The following DLGAP2 variants were observed in gnomAD, a reference collection of about 807,000 sequenced individuals.
DLGAP2 encodes the protein disks large-associated protein 2.
In DLGAP2, 26 loss-of-function variants were observed where a neutral mutation model predicts 100.3. That is an observed-to-expected ratio of 0.26 (90% CI 0.19 to 0.36). The LOEUF (loss-of-function observed/expected upper bound fraction) is 0.36, where lower values mean the gene tolerates loss of function less well. DLGAP2 is among the 10% of genes least tolerant of loss of function. The pLI, the probability that DLGAP2 is intolerant of heterozygous loss-of-function variation, is 1.00. For missense variants in DLGAP2, 1,858 were observed against 1,453.2 expected (o/e 1.28, Z -4.53); for synonymous variants, 886 against 630.1 (o/e 1.41, Z -6.08).
intron 1 of DLGAP2, among the ~76,000 whole-genome samples, chr8:853,628 C>G (rs1797222176): frequency 6.6e-6 from 1 of 152,214 alleles, no homozygotes; most frequent in Non-Finnish European, 1.5e-5. Flanking sequence ...AGCCCAGGGC[C>G]AGCCTCGCAA....
intron 1 of DLGAP2, chr8:753,828 A>G (rs1820852517): frequency 6.6e-6 from 1 of 152,272 alleles, no homozygotes; most frequent in African/African-American, 2.4e-5. Flanking sequence ...AATCCTGCAC[A>G]GAGAAAGCTG....
intron 3 of DLGAP2, among the ~76,000 whole-genome samples, chr8:1,407,501 G>A (rs77015538): frequency 3.2e-5 from 4 of 123,720 alleles, no homozygotes; most frequent in African/African-American, 8.5e-5. Context: ...TGCTTACTGA[G>A]CGCCACCTCC....
At chr8:923,763 G>A (rs1798761214) in intron 2 of DLGAP2, among the ~76,000 whole-genome samples, 1 of 152,172 alleles carries the variant, frequency 6.6e-6, no homozygotes, top group African/African-American at 2.4e-5. Flanking sequence ...AATAATGTAG[G>A]AGGAAAGCGT....
intron 4 of DLGAP2, among the ~76,000 whole-genome samples, chr8:1,529,276 G>T (rs1413515812): frequency 1.3e-5 from 2 of 152,202 alleles, no homozygotes; most frequent in African/African-American, 4.8e-5. Context: ...CATGAGAACA[G>T]CATGGGGGAT....
intron 2 of DLGAP2, among the ~76,000 whole-genome samples, chr8:1,231,721 C>G (rs745929921): frequency 6.6e-6 from 1 of 152,044 alleles, no homozygotes; most frequent in Non-Finnish European, 1.5e-5. Flanking sequence ...AGAACTAACA[C>G]AGGAACAGAA....
chr8:1,436,423 C>A (rs1324994415), intron 3 of DLGAP2, among the ~76,000 whole-genome samples: 1 of 152,170 alleles, frequency 6.6e-6, no homozygotes, highest in East Asian at 1.9e-4. Flanking sequence ...CCTAGCCGTG[C>A]TGGCAGCCGA....
intron 2 of DLGAP2, among the ~76,000 whole-genome samples, chr8:1,089,199 C>T (rs1225517262): frequency 6.6e-6 from 1 of 152,228 alleles, no homozygotes; most frequent in Admixed American, 6.5e-5. Flanking sequence ...GCAGGCTATG[C>T]AATTGCTCTG....
chr8:1,421,590 A>C (rs1377134934), intron 3 of DLGAP2, among the ~76,000 whole-genome samples: 1 of 152,208 alleles, frequency 6.6e-6, no homozygotes, highest in Non-Finnish European at 1.5e-5. Flanking sequence ...ATATTTTCAT[A>C]TATTGAAGAG....
At chr8:1,336,255 T>C (rs1801270625) in intron 3 of DLGAP2, among the ~76,000 whole-genome samples, 1 of 152,250 alleles carries the variant, frequency 6.6e-6, no homozygotes, top group African/African-American at 2.4e-5. Flanking sequence ...GCTGATTCAA[T>C]GCTAGCATGG....
chr8:1,254,950 CTGTGTG>C (rs1239865621), intron 2 of DLGAP2, among the ~76,000 whole-genome samples: 2 of 142,486 alleles, frequency 1.4e-5, no homozygotes, highest in African/African-American at 2.6e-5. Context: ...TGCCCGGGTG[CTGTGTG>C]TGTGTCCTCT....
chr8:1,170,563 C>T (rs1797108142), intron 2 of DLGAP2, among the ~76,000 whole-genome samples: 1 of 146,668 alleles, frequency 6.8e-6, no homozygotes, highest in Admixed American at 6.8e-5. Context: ...ATTTCAGCTC[C>T]TGTTATTGGT....
chr8:794,025 A>T (rs1795975574), intron 1 of DLGAP2, among the ~76,000 whole-genome samples: 1 of 151,968 alleles, frequency 6.6e-6, no homozygotes, highest in Admixed American at 6.5e-5. Context: ...TAGCTGCAGG[A>T]TGGGGTCCCT....
intron 1 of DLGAP2, among the ~76,000 whole-genome samples, chr8:780,492 G>T (rs1821654290): frequency 6.6e-6 from 1 of 152,204 alleles, no homozygotes; most frequent in Admixed American, 6.5e-5. Context: ...ACACCCAGAA[G>T]TGGGATTGCT....
intron 3 of DLGAP2, among the ~76,000 whole-genome samples, chr8:1,299,523 C>T (rs181954063): frequency 2.6e-5 from 4 of 152,286 alleles, no homozygotes; most frequent in East Asian, 1.9e-4. Context: ...TAGGGAGGAA[C>T]GGTCCATGCC....
intron 1 of DLGAP2, among the ~76,000 whole-genome samples, chr8:774,712 C>T (rs1396290964): frequency 6.6e-6 from 1 of 151,566 alleles, no homozygotes; most frequent in Non-Finnish European, 1.5e-5. Context: ...ATCTATATCT[C>T]TGTTTTGGTA....
intron 3 of DLGAP2, among the ~76,000 whole-genome samples, chr8:1,315,514 G>A (rs1237974562): frequency 1.4e-5 from 2 of 138,214 alleles, no homozygotes; most frequent in South Asian, 2.4e-4. Flanking sequence ...CGAGTGCAGC[G>A]TCTCTCCAAC....
At chr8:971,700 T>A (rs956715799) in intron 2 of DLGAP2, among the ~76,000 whole-genome samples, 1 of 152,208 alleles carries the variant, frequency 6.6e-6, no homozygotes, top group Non-Finnish European at 1.5e-5. Context: ...AAAGTCATCA[T>A]CATGGAGTAC....
intron 1 of DLGAP2, among the ~76,000 whole-genome samples, chr8:899,087 C>T (rs1798201314): frequency 6.6e-6 from 1 of 152,226 alleles, no homozygotes; most frequent in African/African-American, 2.4e-5. Flanking sequence ...GATGGCAGCT[C>T]ATCCCAGTGC....
chr8:824,700 G>T (rs1262094602), intron 1 of DLGAP2, among the ~76,000 whole-genome samples: 1 of 152,106 alleles, frequency 6.6e-6, no homozygotes, highest in Non-Finnish European at 1.5e-5. Flanking sequence ...GCTTTGTCTG[G>T]TAAGTGTGGT....
Sources: gnomAD v4.1 joint callset for allele counts (sites outside exome capture counted in the v4.1 genomes callset) on GRCh38, gnomAD v4.1.1 for gene constraint, MANE v1.5 for transcripts, NCBI Gene and HGNC (gene_info 2026-07-23, HGNC 2026-07-21) for gene names.